Variants in ADGRB3 observed in about 807,000 individuals in gnomAD.
The protein encoded by ADGRB3 is brain-specific angiogenesis inhibitor 3.
ADGRB3 carries 37 observed loss-of-function variants against 193.4 expected under a neutral mutation model. The observed-to-expected ratio is 0.19, with a 90% CI of 0.15 to 0.25. The LOEUF (loss-of-function observed/expected upper bound fraction) is 0.25, where lower values mean the gene tolerates loss of function less well. Among genes scored for constraint, ADGRB3 ranks in the 10% least tolerant of loss-of-function variants. The pLI is 1.00. For missense variants in ADGRB3, 1,637 were observed against 1,852.9 expected, an observed-to-expected ratio of 0.88 and a Z score of 2.14; for synonymous variants, 690 against 644.2, an observed-to-expected ratio of 1.07 and a Z score of -1.08.
intron 6 of ADGRB3, among the ~76,000 whole-genome samples, chr6:68,948,686 T>C (rs1582339506): frequency 6.6e-6 from 1 of 152,220 alleles, no homozygotes; most frequent in Admixed American, 6.5e-5. Context: ...TCTTACTGTT[T>C]TCAGCGTGGA....
chr6:68,663,252 T>A (rs1768712645), intron 3 of ADGRB3, among the ~76,000 whole-genome samples: 1 of 151,606 alleles, frequency 6.6e-6, no homozygotes, highest in Non-Finnish European at 1.5e-5. Context: ...TAATTTTTAG[T>A]ACTCTGCTCC....
At chr6:68,921,922 A>G (rs929281581) in intron 3 of ADGRB3, among the ~76,000 whole-genome samples, 1 of 152,156 alleles carries the variant, frequency 6.6e-6, no homozygotes, top group Non-Finnish European at 1.5e-5. Context: ...CACAGTTTTA[A>G]TTTAAATGGT....
intron 26 of ADGRB3, among the ~76,000 whole-genome samples, chr6:69,347,956 T>A (rs1290940254): frequency 6.6e-6 from 1 of 152,136 alleles, no homozygotes; most frequent in Admixed American, 6.5e-5. Context: ...TTATATACCT[T>A]TCCAAGAATT....
intron 17 of ADGRB3, among the ~76,000 whole-genome samples, chr6:69,210,140 A>AATATATATCATATATATATATATATATAT (rs1765628042): frequency 3.2e-5 from 2 of 62,342 alleles, no homozygotes; most frequent in Non-Finnish European, 6.4e-5. Context: ...ATCATATATT[A>AATATATATCATATATATATATATATATAT]ATATATATCA....
chr6:68,933,434 A>G (rs1767398431), intron 4 of ADGRB3, among the ~76,000 whole-genome samples: 1 of 152,152 alleles, frequency 6.6e-6, no homozygotes, highest in Non-Finnish European at 1.5e-5. Flanking sequence ...TCTACTAAAA[A>G]TACGAAAAAT....
At chr6:68,882,049 A>C (rs1013626582) in intron 3 of ADGRB3, among the ~76,000 whole-genome samples, 1 of 152,118 alleles carries the variant, frequency 6.6e-6, no homozygotes, top group Admixed American at 6.5e-5. Context: ...GATAAACTAG[A>C]GCCGTTAGCA....
intron 3 of ADGRB3, 60 bp downstream of exon 3, chr6:68,639,492 A>G: frequency 6.8e-7 from 1 of 1,480,878 alleles, no homozygotes; most frequent in Non-Finnish European, 8.9e-7. Context: ...TGGAGTTAAA[A>G]CGTGCTGTTT....
At chr6:69,268,911 G>T in intron 20 of ADGRB3, among the ~76,000 whole-genome samples, 1 of 152,052 alleles carries the variant, frequency 6.6e-6, no homozygotes, top group Non-Finnish European at 1.5e-5. Flanking sequence ...GATCAAGGAG[G>T]TTCTTTTTGG....
At chr6:68,927,627 A>ATT (rs1216320605) in intron 3 of ADGRB3, among the ~76,000 whole-genome samples, 1 of 152,138 alleles carries the variant, frequency 6.6e-6, no homozygotes, top group African/African-American at 2.4e-5. Context: ...CATGGGACGT[A>ATT]AACTTTGGCA....
intron 11 of ADGRB3, 85 bp downstream of exon 11, chr6:68,994,047 A>G (rs781614260): frequency 7.5e-7 from 1 of 1,341,212 alleles, no homozygotes; most frequent in Non-Finnish European, 1.0e-6. Context: ...GCCGTCTTGG[A>G]GGCGGACTGG....
At chr6:68,797,552 T>C (rs1262084074) in intron 3 of ADGRB3, among the ~76,000 whole-genome samples, 1 of 152,068 alleles carries the variant, frequency 6.6e-6, no homozygotes, top group Non-Finnish European at 1.5e-5. Flanking sequence ...TCCAGAGTCA[T>C]TTTTCCATCT....
intron 3 of ADGRB3, among the ~76,000 whole-genome samples, chr6:68,641,736 A>G (rs748418128): frequency 5.9e-5 from 9 of 152,092 alleles, no homozygotes; most frequent in Admixed American, 2.6e-4. Context: ...ACCACTCTTT[A>G]CCCCAGTTAA....
At chr6:69,100,925 G>GGAAGAAGC (rs1773030601) in intron 17 of ADGRB3, among the ~76,000 whole-genome samples, 3 of 7,306 alleles carry the variant, frequency 4.1e-4, no homozygotes, top group Non-Finnish European at 6.6e-4. Context: ...AAGGAAGGAA[G>GGAAGAAGC]GAGGGAGGGA....
chr6:69,323,816 T>G (rs886197759), intron 20 of ADGRB3, among the ~76,000 whole-genome samples: 1 of 152,034 alleles, frequency 6.6e-6, no homozygotes, highest in African/African-American at 2.4e-5. Flanking sequence ...TATGAATAAT[T>G]TGGGCCAAAA....
At chr6:68,988,785 A>T (rs1458711848) in intron 10 of ADGRB3, among the ~76,000 whole-genome samples, 1 of 152,012 alleles carries the variant, frequency 6.6e-6, no homozygotes, top group Non-Finnish European at 1.5e-5. Flanking sequence ...TCCAGCAATG[A>T]CCCAGCACTG....
rs185987919 is a variant in ADGRB3 at position 69,100,647 on chromosome 6, G to C, written c.2480+24609G>C. Among the ~76,000 whole-genome samples, 154 of 151,882 alleles carry C rather than the reference G, an allele frequency of 1.0e-3. 1 individual carries two copies. The highest frequency in any genetic ancestry group is 3.6e-3 in the African/African-American group (151 of 41,454). Reference sequence around the variant, plus strand: ...TGTATTTCAAATAAGATCATGCCCTGATACTATTCCAATTGCTAGAAGTTT... The same window carrying C: ...TGTATTTCAAATAAGATCATGCCCTCATACTATTCCAATTGCTAGAAGTTT... On this transcript the variant is annotated intron_variant, in intron 17 of 31. Transcript: ENST00000370598.
chr6:69,069,056 T>C (rs926315243), intron 16 of ADGRB3, among the ~76,000 whole-genome samples: 1 of 152,198 alleles, frequency 6.6e-6, no homozygotes. Flanking sequence ...GTATTCTCAA[T>C]GTGTCTTTTA....
intron 8 of ADGRB3, among the ~76,000 whole-genome samples, chr6:68,973,136 T>TG (rs1393039827): frequency 7.2e-5 from 11 of 152,208 alleles, no homozygotes; most frequent in African/African-American, 9.7e-5. Context: ...GAGGACTATC[T>TG]TAAACAATTC....
chr6:69,316,700 T>C (rs1193702164), intron 20 of ADGRB3, among the ~76,000 whole-genome samples: 1 of 151,458 alleles, frequency 6.6e-6, no homozygotes, highest in Non-Finnish European at 1.5e-5. Flanking sequence ...GGGTGATCCC[T>C]GTGGGATAAA....
Sources: gnomAD v4.1 joint callset for allele counts (sites outside exome capture counted in the v4.1 genomes callset) on GRCh38, gnomAD v4.1.1 for gene constraint, MANE v1.5 for transcripts, NCBI Gene and HGNC (gene_info 2026-07-23, HGNC 2026-07-21) for gene names.